The following ZSWIM6 variants were observed in gnomAD, a reference collection of about 807,000 sequenced individuals.
ZSWIM6 encodes zinc finger SWIM domain-containing protein 6.
Under a neutral mutation model 113.2 loss-of-function variants are expected in ZSWIM6, and 9 were observed. That is an observed-to-expected ratio of 0.08 (90% CI 0.05 to 0.14). The LOEUF (loss-of-function observed/expected upper bound fraction) is 0.14, where lower values mean the gene tolerates loss of function less well. ZSWIM6 is among the 10% of genes least tolerant of loss of function. The pLI is 1.00. For synonymous variants in ZSWIM6, 611 were observed against 606.5 expected (o/e 1.01, Z -0.11); for missense variants, 1,162 against 1,552.2 (o/e 0.75, Z 4.22).
intron 2 of ZSWIM6, among the ~76,000 whole-genome samples, chr5:61,475,259 G>A (rs997807632): frequency 3.3e-5 from 5 of 152,072 alleles, no homozygotes; most frequent in African/African-American, 1.2e-4. Context: ...GTTCTCTTGA[G>A]TTTTAGTAAA....
At position 61,538,871 on chromosome 5, in the gene ZSWIM6, T is replaced by C; in HGVS notation, c.2439T>C (p.Ile813=). Residue 813 remains isoleucine (I), a synonymous_variant, in exon 11 of 14, where the codon ATT becomes ATC. Coordinates refer to ENST00000252744, the MANE Select transcript of ZSWIM6 (RefSeq NM_020928.2). The part of the protein sequence containing the change: ...PSGDLTRPHH[I]ASVVPNRYPR... ...GAGACCTCACCCGCCCACACCACAT[T>C]GCATCAGTTGTTCCCAACCGCTACC... 1 of 1,552,314 alleles carries C rather than the reference T, an allele frequency of 6.4e-7. No individual in the cohort carries two copies. Among genetic ancestry groups the C allele is most frequent in the South Asian group, 1.2e-5 (1 of 84,056 alleles).
intron 1 of ZSWIM6, among the ~76,000 whole-genome samples, chr5:61,452,998 G>C (rs1428238373): frequency 6.6e-6 from 1 of 152,152 alleles, no homozygotes; most frequent in Non-Finnish European, 1.5e-5. Flanking sequence ...GATTGAGACT[G>C]TGTGATTTTT....
rs1749391446 is a variant in ZSWIM6 at position 61,530,101 on chromosome 5, T to A, written c.1887T>A (p.Val629=). The A allele has an allele frequency of 6.4e-7, 1 of 1,551,656 alleles. No individual in the cohort carries two copies. The highest frequency in any genetic ancestry group is 8.7e-7 in the Non-Finnish European group (1 of 1,146,890). ...ITSITNLEGW[V]GHPLDPVGTL... is the part of the protein sequence containing the mutation. Reference sequence around the variant, plus strand: ...CGATAACCAATCTGGAGGGCTGGGTTGGACATCCCCTGGACCCTGTGGGCA... The same window carrying A: ...CGATAACCAATCTGGAGGGCTGGGTAGGACATCCCCTGGACCCTGTGGGCA... Residue 629 remains valine (V), a synonymous_variant, in exon 8 of 14, where the codon GTT becomes GTA. Transcript: ENST00000252744.
chr5:61,354,718 T>C (rs1189431875), intron 1 of ZSWIM6, among the ~76,000 whole-genome samples: 4 of 152,190 alleles, frequency 2.6e-5, no homozygotes, highest in African/African-American at 9.7e-5. Flanking sequence ...TTTAAATTCA[T>C]ACATCACTTG....
At chr5:61,432,848 A>G (rs1024981536) in intron 1 of ZSWIM6, among the ~76,000 whole-genome samples, 1 of 152,156 alleles carries the variant, frequency 6.6e-6, no homozygotes, top group African/African-American at 2.4e-5. Context: ...AGCCAACAAA[A>G]CAAAAAAAAC....
intron 2 of ZSWIM6, among the ~76,000 whole-genome samples, chr5:61,480,728 C>T (rs558288850): frequency 6.6e-6 from 1 of 152,284 alleles, no homozygotes; most frequent in South Asian, 2.1e-4. Flanking sequence ...CTAGTTCTCT[C>T]CTCTCTGCTG....
intron 1 of ZSWIM6, among the ~76,000 whole-genome samples, chr5:61,458,591 G>A (rs1048021849): frequency 3.3e-5 from 5 of 151,916 alleles, no homozygotes; most frequent in African/African-American, 9.6e-5. Context: ...ATACAGATGA[G>A]ACCAGGCTGG....
At chr5:61,450,990 G>A (rs1747075178) in intron 1 of ZSWIM6, among the ~76,000 whole-genome samples, 1 of 152,206 alleles carries the variant, frequency 6.6e-6, no homozygotes, top group African/African-American at 2.4e-5. Flanking sequence ...TCCAAGGTCT[G>A]TAGTTTGAAG....
intron 1 of ZSWIM6, among the ~76,000 whole-genome samples, chr5:61,434,346 A>G (rs1746656025): frequency 6.6e-6 from 1 of 151,720 alleles, no homozygotes; most frequent in African/African-American, 2.4e-5. Context: ...TTTTGGTTAC[A>G]TGGAGAAGTT....
chr5:61,464,695 C>A (rs1747397801), intron 1 of ZSWIM6, among the ~76,000 whole-genome samples: 1 of 152,140 alleles, frequency 6.6e-6, no homozygotes, highest in African/African-American at 2.4e-5. Context: ...GCATACTTTC[C>A]CCTTCCTCTT....
At chr5:61,494,684 A>G (rs1748272674) in intron 4 of ZSWIM6, among the ~76,000 whole-genome samples, 1 of 152,078 alleles carries the variant, frequency 6.6e-6, no homozygotes, top group African/African-American at 2.4e-5. Context: ...AAAAAGCTGT[A>G]TTATTTTTAA....
At chr5:61,524,705 G>A (rs903214539) in intron 5 of ZSWIM6, among the ~76,000 whole-genome samples, 24 of 152,128 alleles carry the variant, frequency 1.6e-4, no homozygotes, top group Admixed American at 1.4e-3. Context: ...CCAAAGGTCC[G>A]GTGACAGGAA....
At chr5:61,444,346 G>A (rs1405844232) in intron 1 of ZSWIM6, among the ~76,000 whole-genome samples, 7 of 151,806 alleles carry the variant, frequency 4.6e-5, no homozygotes, top group African/African-American at 1.5e-4. Context: ...CCAGTCTATC[G>A]TTGTGGGACA....
intron 1 of ZSWIM6, among the ~76,000 whole-genome samples, chr5:61,463,611 A>C (rs1160356357): frequency 6.6e-6 from 1 of 152,172 alleles, no homozygotes; most frequent in Non-Finnish European, 1.5e-5. Flanking sequence ...CATCTTAACA[A>C]ATTCTTCTGG....
chr5:61,486,527 C>A (rs1748026751), intron 2 of ZSWIM6, among the ~76,000 whole-genome samples: 1 of 152,088 alleles, frequency 6.6e-6, no homozygotes, highest in African/African-American at 2.4e-5. Flanking sequence ...ATACTGTTTT[C>A]CATAGATGTT....
In ZSWIM6 at chr5:61,399,007, C is replaced by T. The variant is rs373548242; in HGVS notation, c.676+66059C>T. On this transcript the variant is annotated intron_variant, in intron 1 of 13. Transcript: ENST00000252744. Reference sequence around the variant, plus strand: ...GTGCGATCTCTGCTCACTGCAACCTCCGCCTCCTGGTTTCAAGTGATTTTC... The same window carrying T: ...GTGCGATCTCTGCTCACTGCAACCTTCGCCTCCTGGTTTCAAGTGATTTTC... 3.3e-5 allele frequency among the ~76,000 whole-genome samples: 5 copies of T among 150,020 alleles called. No individual in the cohort carries two copies. The East Asian group carries it at 7.9e-4, about 24-fold the overall frequency.
chr5:61,460,833 G>A (rs1490159397), intron 1 of ZSWIM6, among the ~76,000 whole-genome samples: 1 of 151,684 alleles, frequency 6.6e-6, no homozygotes, highest in Non-Finnish European at 1.5e-5. Flanking sequence ...TGATCCATAG[G>A]TTTCATTCCG....
chr5:61,396,910 T>C (rs1745848941), intron 1 of ZSWIM6, among the ~76,000 whole-genome samples: 1 of 152,210 alleles, frequency 6.6e-6, no homozygotes, highest in Non-Finnish European at 1.5e-5. Flanking sequence ...AGTTATTCTC[T>C]TAGGAGTATT....
chr5:61,494,764 T>A lies in ZSWIM6; in HGVS notation c.1333+354T>A, dbSNP rs1440659608. Among the ~76,000 whole-genome samples the A allele has an allele frequency of 2.6e-5, 4 of 152,300 alleles. No individual in the cohort carries two copies. The East Asian group carries it at 7.7e-4, about 29-fold the overall frequency. On this transcript the variant is annotated intron_variant, in intron 4 of 13. Transcript: ENST00000252744. ...ATATTGTAATTGATTCAGCTAAAATTTAGAGTCTTTCTTCCCCCTTCTCCC... is the reference window on the plus strand; with the variant it reads ...ATATTGTAATTGATTCAGCTAAAATATAGAGTCTTTCTTCCCCCTTCTCCC...
Sources: allele counts gnomAD v4.1 joint callset (sites outside exome capture counted in the v4.1 genomes callset), GRCh38; gene constraint gnomAD v4.1.1; transcripts MANE v1.5; gene names NCBI Gene and HGNC (gene_info 2026-07-23, HGNC 2026-07-21).